ICA1: variants seen among roughly 807,000 people sequenced by gnomAD.
ICA1 encodes islet cell autoantigen 1.
In ICA1, 40 loss-of-function variants were observed where a neutral mutation model predicts 71.0. That is an observed-to-expected ratio of 0.56 (90% CI 0.44 to 0.73). The LOEUF is 0.73. ICA1 is among the 30% of genes least tolerant of loss of function. ICA1 has a pLI of 0.00. For synonymous variants in ICA1, 207 were observed against 209.5 expected (o/e 0.99, Z 0.10); for missense variants, 578 against 576.5 (o/e 1.00, Z -0.03).
chr7:8,245,814 G>A (rs867532951), intron 1 of ICA1, among the ~76,000 whole-genome samples: 1 of 152,144 alleles, frequency 6.6e-6, no homozygotes, highest in Non-Finnish European at 1.5e-5. Context: ...AGAGCCACAC[G>A]GGGTTAGTGG....
At chr7:8,169,118 T>C (rs1366686786) in intron 6 of ICA1, among the ~76,000 whole-genome samples, 2 of 152,154 alleles carry the variant, frequency 1.3e-5, no homozygotes, top group Non-Finnish European at 2.9e-5. Flanking sequence ...CCAAGTAGTC[T>C]ATAGTCTTTT....
chr7:8,136,103 T>C (rs1191736785), intron 12 of ICA1, among the ~76,000 whole-genome samples: 1 of 152,216 alleles, frequency 6.6e-6, no homozygotes, highest in African/African-American at 2.4e-5. Context: ...TTCCATTATA[T>C]TAGCTATTTA....
At chr7:8,209,114 T>C (rs1464273954) in intron 6 of ICA1, among the ~76,000 whole-genome samples, 4 of 152,166 alleles carry the variant, frequency 2.6e-5, no homozygotes, top group Admixed American at 1.3e-4. Flanking sequence ...TTGGACCAGA[T>C]CAGTTCACAC....
chr7:8,230,569 G>C (rs1196836606), intron 3 of ICA1, among the ~76,000 whole-genome samples: 1 of 152,172 alleles, frequency 6.6e-6, no homozygotes, highest in African/African-American at 2.4e-5. Flanking sequence ...CAGCTATTTT[G>C]ATTAAGGTAC....
rs3842167 is a variant in ICA1, at chr7:8,260,584, CAG to C, written c.-80+1508_-80+1509del. ...CAATTATTTCCCTTTGTAATACAAA[CAG>C]AAACAATTAGAAAGCAACATCTCCT... On this transcript the variant is annotated intron_variant, in intron 1 of 13. Coordinates refer to ENST00000402384, the MANE Select transcript of ICA1 (RefSeq NM_001136020.3). Among the ~76,000 whole-genome samples, 1,215 of 152,202 alleles carry C rather than the reference CAG, an allele frequency of 8.0e-3. 23 individuals carry two copies. Among genetic ancestry groups the C allele is most frequent in the East Asian group, 0.043 (224 of 5,172 alleles).
intron 6 of ICA1, among the ~76,000 whole-genome samples, chr7:8,204,777 G>A (rs567627892): frequency 7.8e-4 from 119 of 152,168 alleles, no homozygotes; most frequent in African/African-American, 2.3e-3. Flanking sequence ...GGATTAAATC[G>A]TAAGAAAGTT....
intron 13 of ICA1, among the ~76,000 whole-genome samples, chr7:8,125,491 C>T (rs10259684): frequency 0.46 from 69,695 of 152,172 alleles, 17,631 homozygotes; most frequent in African/African-American, 0.69. Flanking sequence ...TAAGAACCTA[C>T]TCAGCTCTGC....
At chr7:8,199,874 T>C (rs913921324) in intron 6 of ICA1, among the ~76,000 whole-genome samples, 1 of 151,956 alleles carries the variant, frequency 6.6e-6, no homozygotes, top group African/African-American at 2.4e-5. Context: ...ATTGAACTCA[T>C]GGAGACAGAG....
In ICA1 at chr7:8,113,768, A is replaced by G; in HGVS notation, c.*155T>C. 1 of 721,628 alleles carries G rather than the reference A, an allele frequency of 1.4e-6. No homozygotes were observed. The highest frequency in any genetic ancestry group is 1.8e-5 in the South Asian group (1 of 54,740). The allele number at this position is 721,628 out of a possible 1,614,324, so 44.7% of individuals were successfully genotyped here. ...AACCCTTTATACCAAATAAGAGTAA[A>G]TAATTATACCAATATAAACAGGGCC... On this transcript the variant is annotated 3_prime_UTR_variant, in exon 14 of 14. Coordinates refer to ENST00000402384, the MANE Select transcript of ICA1 (RefSeq NM_001136020.3). This position sits in a 1 kb window ranked among gnomAD's most constrained non-coding sequence, Gnocchi z 4.2.
intron 6 of ICA1, among the ~76,000 whole-genome samples, chr7:8,189,016 G>A (rs988569626): frequency 1.3e-5 from 2 of 152,188 alleles, no homozygotes; most frequent in Admixed American, 6.5e-5. Flanking sequence ...ATAGAAATCA[G>A]GGGAGTGAGC....
intron 6 of ICA1, among the ~76,000 whole-genome samples, chr7:8,161,475 T>A (rs185374376): frequency 6.6e-6 from 1 of 152,346 alleles, no homozygotes; most frequent in East Asian, 1.9e-4. Context: ...GTTCTCCTAC[T>A]CTGACTCTGA....
rs542994531 is a variant in ICA1, at chr7:8,221,904, G to A, written c.257-506C>T. ...TTTGGTTGGAAGTGGGGGTAGGGAC[G>A]GAGGGTGGGGAGGTCATCAGGTTGA... On this transcript the variant is annotated intron_variant, in intron 4 of 13. Transcript: ENST00000402384. Among the ~76,000 whole-genome samples the A allele has an allele frequency of 2.6e-5, 4 of 152,226 alleles. 1 individual carries two copies. In the South Asian group the frequency reaches 8.3e-4, roughly 32 times the overall value.
intron 1 of ICA1, among the ~76,000 whole-genome samples, chr7:8,237,815 G>GACACACACACACAC (rs916761494): frequency 5.9e-5 from 8 of 135,258 alleles, no homozygotes; most frequent in African/African-American, 2.6e-4. Flanking sequence ...CAATGTTGAA[G>GACACACACACACAC]ACAGACACAC....
intron 2 of ICA1, among the ~76,000 whole-genome samples, chr7:8,233,138 C>T (rs1800779364): frequency 6.6e-6 from 1 of 152,170 alleles, no homozygotes; most frequent in Non-Finnish European, 1.5e-5. Context: ...ACACTCTCTC[C>T]ACTCTAACAC....
At chr7:8,178,565 T>G (rs1584944769) in intron 6 of ICA1, among the ~76,000 whole-genome samples, 1 of 151,726 alleles carries the variant, frequency 6.6e-6, no homozygotes, top group African/African-American at 2.4e-5. Context: ...TTCTGTCACT[T>G]GGTGTGGTCT....
At chr7:8,225,361 T>C (rs767508745) in intron 4 of ICA1, among the ~76,000 whole-genome samples, 39 of 152,354 alleles carry the variant, frequency 2.6e-4, no homozygotes, top group Admixed American at 3.3e-4. Context: ...CATTATTTAG[T>C]TTGTTGCTCA....
At chr7:8,212,341 G>A (rs2128386348) in intron 6 of ICA1, among the ~76,000 whole-genome samples, 1 of 152,332 alleles carries the variant, frequency 6.6e-6, no homozygotes, top group Non-Finnish European at 1.5e-5. Context: ...AAGGTGGGCA[G>A]ATCACTTGAG....
At chr7:8,129,961 T>G (rs1327121331) in intron 12 of ICA1, among the ~76,000 whole-genome samples, 1 of 112,632 alleles carries the variant, frequency 8.9e-6, no homozygotes, top group African/African-American at 2.9e-5. Context: ...GTATTTGGTT[T>G]TTTGTCCTTG....
At chr7:8,131,826 T>A (rs185102278) in intron 12 of ICA1, among the ~76,000 whole-genome samples, 15 of 152,208 alleles carry the variant, frequency 9.9e-5, no homozygotes, top group African/African-American at 2.6e-4. Flanking sequence ...TTGAAAAAAA[T>A]TCAACTCAAC....
Sources: gnomAD v4.1 joint callset for allele counts (sites outside exome capture counted in the v4.1 genomes callset) on GRCh38, gnomAD v4.1.1 for gene constraint, Gnocchi (gnomAD v3.1) non-coding constraint, MANE v1.5 for transcripts, NCBI Gene and HGNC (gene_info 2026-07-23, HGNC 2026-07-21) for gene names.